The following MGAT5 variants were observed in gnomAD, a reference collection of about 807,000 sequenced individuals.
MGAT5 encodes alpha-1,6-mannosylglycoprotein 6-beta-N-acetylglucosaminyltransferase.
MGAT5 carries 30 observed loss-of-function variants against 94.3 expected under a neutral mutation model. The observed-to-expected ratio is 0.32, with a 90% CI of 0.24 to 0.43. MGAT5 has a LOEUF of 0.43. Among genes scored for constraint, MGAT5 ranks in the 20% least tolerant of loss-of-function variants. The pLI is 1.00. For missense variants in MGAT5, 691 were observed against 905.5 expected, an observed-to-expected ratio of 0.76 and a Z score of 3.04; for synonymous variants, 310 against 322.9, an observed-to-expected ratio of 0.96 and a Z score of 0.43.
intron 1 of MGAT5, among the ~76,000 whole-genome samples, chr2:134,207,562 T>C (rs1680073198): frequency 1.4e-5 from 2 of 146,066 alleles, no homozygotes; most frequent in African/African-American, 5.2e-5. Context: ...AACCTCACAA[T>C]GACACTGAAA....
rs141358502 is a variant in MGAT5 at position 134,177,144 on chromosome 2, C to CGTGTGTGTGTGTGTGT, written c.-143+56856_-143+56871dup. ...AGGGACCTCCTGTAACAAATGAACC[C>CGTGTGTGTGTGTGTGT]GTGTGTGTGTGTGTGTGTATGTATC... On this transcript the variant is annotated intron_variant, in intron 1 of 16. Transcript: ENST00000409645. 1.2e-3 allele frequency among the ~76,000 whole-genome samples: 166 copies of CGTGTGTGTGTGTGTGT among 142,616 alleles called. 7 individuals carry two copies. The highest frequency in any genetic ancestry group is 8.1e-3 in the South Asian group (36 of 4,450). The allele number at this position is 142,616 out of a possible 152,430, so 93.6% of individuals were successfully genotyped here. A position where few individuals can be genotyped will look rare whatever the true frequency, so the allele number is the denominator to read the frequency against.
upstream of MGAT5, among the ~76,000 whole-genome samples, chr2:134,249,152 A>T (rs907994063): frequency 6.6e-6 from 1 of 151,426 alleles, no homozygotes; most frequent in Non-Finnish European, 1.5e-5. Context: ...CATGACACTC[A>T]TCTGCCTGCT....
chr2:134,379,620 C>T (rs1212035511), intron 10 of MGAT5, among the ~76,000 whole-genome samples: 1 of 152,190 alleles, frequency 6.6e-6, no homozygotes, highest in Non-Finnish European at 1.5e-5. Flanking sequence ...TTTTTACCAG[C>T]GAGCGATCAT....
intron 1 of MGAT5, among the ~76,000 whole-genome samples, chr2:134,133,307 A>G (rs1686261358): frequency 6.6e-6 from 1 of 152,272 alleles, no homozygotes; most frequent in South Asian, 2.1e-4. Context: ...TTAAAGGCCA[A>G]ATTTCTCCAA....
chr2:134,276,390 G>GT (rs1379839595), intron 2 of MGAT5, among the ~76,000 whole-genome samples: 18 of 152,098 alleles, frequency 1.2e-4, no homozygotes, highest in Non-Finnish European at 2.1e-4. Flanking sequence ...GATAACAATG[G>GT]TACAAAGTAG....
chr2:134,441,792 T>C lies in MGAT5; in HGVS notation c.1904T>C (p.Leu635Pro), dbSNP rs1055684525. Residue 635 changes from leucine (L) to proline (P), a missense_variant, in exon 15 of 16, where the codon CTC becomes CCC. Around this residue, in one of 4 missense-constraint regions of MGAT5, gnomAD observed 260 missense variants for 347.0 expected, o/e 0.75. Transcript: ENST00000281923. ...FCHGQVMWPP[L>P]SALQVKLAEP... ...CATGGGCAAGTGATGTGGCCACCCC[T>C]CAGCGCCCTACAGGTCAAGCTTGCT... The C allele has an allele frequency of 6.2e-7, 1 of 1,614,042 alleles. No individual in the cohort carries two copies.
At chr2:134,381,532 C>T (rs201869063) in intron 10 of MGAT5, among the ~76,000 whole-genome samples, 23 of 36,108 alleles carry the variant, frequency 6.4e-4, no homozygotes, top group Middle Eastern at 7.7e-3. Flanking sequence ...GACAGACAGA[C>T]AGACAGATAG....
intron 10 of MGAT5, among the ~76,000 whole-genome samples, chr2:134,388,804 C>T (rs532020058): frequency 6.6e-6 from 1 of 151,820 alleles, no homozygotes; most frequent in South Asian, 2.1e-4. Context: ...CTCTGTTGCC[C>T]AAACTGGAGT....
intron 4 of MGAT5, among the ~76,000 whole-genome samples, chr2:134,326,114 A>G (rs1336817605): frequency 1.3e-5 from 2 of 150,344 alleles, no homozygotes; most frequent in African/African-American, 4.9e-5. Context: ...TAATTCATTA[A>G]AGGTACCTTC....
chr2:134,419,509 G>A (rs1220815080), intron 12 of MGAT5, among the ~76,000 whole-genome samples: 1 of 145,112 alleles, frequency 6.9e-6, no homozygotes, highest in East Asian at 2.2e-4. Context: ...GAGAACTCAT[G>A]TTCTCCTTGG....
chr2:134,397,825 G>A (rs150683032), intron 10 of MGAT5, among the ~76,000 whole-genome samples: 4 of 152,274 alleles, frequency 2.6e-5, no homozygotes, highest in African/African-American at 7.2e-5. Flanking sequence ...AAATGGAGGC[G>A]ACCTGTAGTG....
chr2:134,246,519 C>T (rs1369311491), intron 1 of MGAT5, among the ~76,000 whole-genome samples: 1 of 152,222 alleles, frequency 6.6e-6, no homozygotes, highest in African/African-American at 2.4e-5. Context: ...CCCCCACCAC[C>T]GTCCCCGTTC....
intron 5 of MGAT5, among the ~76,000 whole-genome samples, chr2:134,337,309 T>C (rs1688390193): frequency 6.6e-6 from 1 of 152,194 alleles, no homozygotes; most frequent in Admixed American, 6.5e-5. Flanking sequence ...ACCCCATCAC[T>C]ACAAAAAATT....
chr2:134,369,528 A>G (rs1249671607), intron 10 of MGAT5, among the ~76,000 whole-genome samples: 2 of 152,208 alleles, frequency 1.3e-5, no homozygotes, highest in East Asian at 3.8e-4. Context: ...ATTATTATAC[A>G]CAACAACATA....
At chr2:134,123,023 A>C (rs1484708999) in intron 1 of MGAT5, among the ~76,000 whole-genome samples, 8 of 152,220 alleles carry the variant, frequency 5.3e-5, no homozygotes, top group Non-Finnish European at 1.0e-4. Flanking sequence ...ATTCTTATAA[A>C]GAGGTGTGTG....
chr2:134,141,869 A>G (rs1194563300), intron 1 of MGAT5, among the ~76,000 whole-genome samples: 1 of 152,214 alleles, frequency 6.6e-6, no homozygotes, highest in Non-Finnish European at 1.5e-5. Context: ...TTTGGAATGC[A>G]TTTGGACTTG....
intron 9 of MGAT5, among the ~76,000 whole-genome samples, chr2:134,352,566 T>G (rs1398554200): frequency 6.6e-6 from 1 of 152,156 alleles, no homozygotes; most frequent in African/African-American, 2.4e-5. Flanking sequence ...ATAAATAAAC[T>G]AATAAAAATG....
intron 4 of MGAT5, among the ~76,000 whole-genome samples, chr2:134,319,380 G>C (rs534693983): frequency 7.2e-5 from 11 of 152,064 alleles, no homozygotes; most frequent in Non-Finnish European, 1.5e-4. Flanking sequence ...GGATCATTCA[G>C]CTTGGGTTAG....
intron 1 of MGAT5, among the ~76,000 whole-genome samples, chr2:134,204,902 A>G (rs888019691): frequency 2.0e-5 from 3 of 152,190 alleles, no homozygotes; most frequent in Non-Finnish European, 4.4e-5. Context: ...ACAGGCAGGA[A>G]AAAAGGGTGG....
Sources: gnomAD v4.1 joint callset for allele counts (sites outside exome capture counted in the v4.1 genomes callset) on GRCh38, gnomAD v4.1.1 for gene constraint, gnomAD v4.1.1 regional missense constraint, MANE v1.5 for transcripts, NCBI Gene and HGNC (gene_info 2026-07-23, HGNC 2026-07-21) for gene names.